Variants in TSPAN5 observed in about 807,000 individuals in gnomAD.
The protein encoded by TSPAN5 is tetraspanin 5.
A neutral mutation model predicts 37.1 loss-of-function variants in TSPAN5; 10 were observed. The ratio of observed to expected loss-of-function variants is 0.27; its 90% CI spans 0.17 to 0.46. The LOEUF (loss-of-function observed/expected upper bound fraction) is 0.46, where lower values mean the gene tolerates loss of function less well. Ranked by LOEUF, TSPAN5 falls within the 20% of genes least tolerant of loss-of-function variation. The probability of loss-of-function intolerance (pLI) is 1.00; values close to 1 mark genes in which losing one functional copy is unlikely to be tolerated. For missense variants in TSPAN5, 195 were observed against 326.6 expected (o/e 0.60, Z 3.11); for synonymous variants, 110 against 118.9 (o/e 0.93, Z 0.48).
chr4:98,575,185 G>A (rs1347676098), intron 1 of TSPAN5, among the ~76,000 whole-genome samples: 1 of 151,976 alleles, frequency 6.6e-6, no homozygotes, highest in Non-Finnish European at 1.5e-5. Flanking sequence ...GAACAAAATG[G>A]ATCCATATAT....
At chr4:98,616,657 A>G (rs1756345107) in intron 1 of TSPAN5, among the ~76,000 whole-genome samples, 1 of 152,274 alleles carries the variant, frequency 6.6e-6, no homozygotes, top group South Asian at 2.1e-4. Flanking sequence ...AAGAGCCTCT[A>G]GTGCCACTGT....
chr4:98,497,818 T>C (rs1753250210), intron 2 of TSPAN5, among the ~76,000 whole-genome samples: 1 of 151,898 alleles, frequency 6.6e-6, no homozygotes, highest in Admixed American at 6.6e-5. Context: ...GTGGGTGTTA[T>C]GGGGGTGCAT....
At chr4:98,484,527 T>A (rs980052640) in intron 3 of TSPAN5, 7 of 456,162 alleles carry the variant, frequency 1.5e-5, no homozygotes, top group Non-Finnish European at 3.1e-5. Context: ...AACATGAGAC[T>A]TTATAAATTA....
intron 2 of TSPAN5, 117 bp downstream of exon 2, chr4:98,507,561 T>A: frequency 1.5e-6 from 1 of 663,318 alleles, no homozygotes; most frequent in Non-Finnish European, 2.4e-6. Flanking sequence ...ACACTTTTTC[T>A]TGTTAAAGAG....
intron 1 of TSPAN5, among the ~76,000 whole-genome samples, chr4:98,617,519 C>A (rs575954400): frequency 6.6e-6 from 1 of 152,246 alleles, no homozygotes; most frequent in East Asian, 1.9e-4. Context: ...CTGCTTACTG[C>A]TCTACACAAG....
intron 1 of TSPAN5, among the ~76,000 whole-genome samples, chr4:98,648,798 A>G (rs1286069726): frequency 6.6e-6 from 1 of 152,254 alleles, no homozygotes; most frequent in Non-Finnish European, 1.5e-5. Flanking sequence ...TCTTCCCAAG[A>G]AAAACAAGCT....
At chr4:98,541,869 T>C (rs1344036629) in intron 1 of TSPAN5, among the ~76,000 whole-genome samples, 2 of 152,144 alleles carry the variant, frequency 1.3e-5, no homozygotes, top group African/African-American at 4.8e-5. Context: ...GCCTAGACTC[T>C]AATTTTAGAG....
chr4:98,600,694 G>A (rs766779168), intron 1 of TSPAN5, among the ~76,000 whole-genome samples: 44 of 151,980 alleles, frequency 2.9e-4, no homozygotes, highest in Non-Finnish European at 3.5e-4. Context: ...CTAAAGTCTT[G>A]GATCCCTCAA....
At chr4:98,652,416 C>T (rs2110292892) in intron 1 of TSPAN5, among the ~76,000 whole-genome samples, 1 of 152,344 alleles carries the variant, frequency 6.6e-6, no homozygotes, top group African/African-American at 2.4e-5. Flanking sequence ...TCTTGAAGAA[C>T]ATTTTCATCC....
chr4:98,505,397 TG>T (rs1307845378), intron 2 of TSPAN5, among the ~76,000 whole-genome samples: 1 of 152,160 alleles, frequency 6.6e-6, no homozygotes, highest in Admixed American at 6.5e-5. Flanking sequence ...CTGGCCTTCT[TG>T]TTGTTCCCTG....
chr4:98,561,045 G>C (rs980521918), intron 1 of TSPAN5, among the ~76,000 whole-genome samples: 2 of 152,222 alleles, frequency 1.3e-5, no homozygotes, highest in African/African-American at 4.8e-5. Context: ...CACCCAGCTA[G>C]ACCACATGTC....
intron 1 of TSPAN5, among the ~76,000 whole-genome samples, chr4:98,605,418 C>A (rs17027838): frequency 6.6e-6 from 1 of 152,136 alleles, no homozygotes; most frequent in African/African-American, 2.4e-5. Context: ...AACCAACACA[C>A]GACCGGTCAG....
chr4:98,627,943 T>G (rs551513866), intron 1 of TSPAN5, among the ~76,000 whole-genome samples: 1 of 152,200 alleles, frequency 6.6e-6, no homozygotes, highest in Admixed American at 6.5e-5. Context: ...AAACTGGAAG[T>G]TACAGGCAAC....
At chr4:98,514,510 C>A (rs905354311) in intron 1 of TSPAN5, among the ~76,000 whole-genome samples, 1 of 152,256 alleles carries the variant, frequency 6.6e-6, no homozygotes, top group Admixed American at 6.5e-5. Context: ...CCCATTGGGT[C>A]CCCGTGTCCC....
rs576852948 is a variant in TSPAN5 at position 98,533,543 on chromosome 4, CT to C, written c.82-25816del. ...GGATTGGTGGTGATATCCCCTATAT[CT>C]TTTTTTTTTTTTTTTTTTTTTCTTG... is the stretch of plus-strand genomic sequence containing the variant. On this transcript the variant is annotated intron_variant, in intron 1 of 7. Coordinates refer to ENST00000305798, the MANE Select transcript of TSPAN5 (RefSeq NM_005723.4). Among the ~76,000 whole-genome samples, 337 of 58,564 alleles carry C rather than the reference CT, an allele frequency of 5.8e-3. 7 individuals are homozygous for C. The highest frequency in any genetic ancestry group is 0.036 in the South Asian group (27 of 750). The allele number at this position is 58,564 out of a possible 152,430, so 38.4% of individuals were successfully genotyped here.
chr4:98,538,542 C>A (rs1754288968), intron 1 of TSPAN5, among the ~76,000 whole-genome samples: 1 of 152,172 alleles, frequency 6.6e-6, no homozygotes, highest in Non-Finnish European at 1.5e-5. Flanking sequence ...TCAAAGTCAG[C>A]TGAAAAATGG....
chr4:98,480,779 C>T (rs989334802), intron 4 of TSPAN5, among the ~76,000 whole-genome samples: 1 of 152,154 alleles, frequency 6.6e-6, no homozygotes, highest in Non-Finnish European at 1.5e-5. Flanking sequence ...AGGGAGCCTG[C>T]ACCCATTAGG....
At position 98,551,237 on chromosome 4, in the gene TSPAN5, C is replaced by T. The variant is rs373597995; in HGVS notation, c.82-43509G>A. Among the ~76,000 whole-genome samples, 127 of 152,224 alleles carry T rather than the reference C, an allele frequency of 8.3e-4. 2 individuals carry two copies. In the South Asian group the frequency reaches 0.021, roughly 25 times the overall value. ...ATCCTTAGGATAAATCCCACCTGAT[C>T]ACGGTATAGTATCTTTTTGATGAGC... On this transcript the variant is annotated intron_variant, in intron 1 of 7. Coordinates refer to ENST00000305798, the MANE Select transcript of TSPAN5 (RefSeq NM_005723.4).
At chr4:98,555,547 T>C (rs1042623294) in intron 1 of TSPAN5, among the ~76,000 whole-genome samples, 3 of 152,160 alleles carry the variant, frequency 2.0e-5, no homozygotes, top group African/African-American at 7.2e-5. Flanking sequence ...GTAGGCTGTA[T>C]GCATCATGAG....
Sources: gnomAD v4.1 joint callset for allele counts (sites outside exome capture counted in the v4.1 genomes callset) on GRCh38, gnomAD v4.1.1 for gene constraint, MANE v1.5 for transcripts, NCBI Gene and HGNC (gene_info 2026-07-23, HGNC 2026-07-21) for gene names.